The following WDPCP variants were observed in gnomAD, a reference collection of about 807,000 sequenced individuals.
WDPCP encodes the protein WD repeat-containing and planar cell polarity effector protein fritz homolog.
WDPCP carries 71 observed loss-of-function variants against 93.1 expected under a neutral mutation model. The observed-to-expected ratio is 0.76, with a 90% CI of 0.63 to 0.93. The LOEUF is 0.93. Ranked by LOEUF, WDPCP falls within the 40% of genes least tolerant of loss-of-function variation. The pLI is 0.00. For missense variants in WDPCP, 844 were observed against 887.4 expected (o/e 0.95, Z 0.62); for synonymous variants, 315 against 315.0 (o/e 1.00, Z 0.00).
intron 1 of WDPCP, among the ~76,000 whole-genome samples, chr2:63,510,158 T>A (rs1385830981): frequency 6.6e-6 from 1 of 152,174 alleles, no homozygotes; most frequent in African/African-American, 2.4e-5. Flanking sequence ...ATATCTCTGA[T>A]GAACATCAAT....
intron 10 of WDPCP, among the ~76,000 whole-genome samples, chr2:63,395,588 G>A (rs13383251): frequency 0.24 from 35,948 of 152,042 alleles, 5,748 homozygotes; most frequent in East Asian, 0.6. Flanking sequence ...AATGGAAAGC[G>A]TATCAATGCT....
At chr2:63,353,220 A>G (rs1294533232) in intron 12 of WDPCP, among the ~76,000 whole-genome samples, 1 of 152,162 alleles carries the variant, frequency 6.6e-6, no homozygotes, top group Non-Finnish European at 1.5e-5. Context: ...AGCTACCTGG[A>G]GTCTCTGTAG....
intron 6 of WDPCP, among the ~76,000 whole-genome samples, chr2:63,463,742 A>G (rs975817934): frequency 2.0e-5 from 3 of 152,228 alleles, no homozygotes; most frequent in African/African-American, 7.2e-5. Flanking sequence ...ATGGGGAGAA[A>G]GAACAATCTT....
At position 63,668,810 on chromosome 2, in the gene WDPCP, T is replaced by A. The variant is rs1208711026; in HGVS notation, n.309-17972A>T. Among the ~76,000 whole-genome samples, 4 of 152,322 alleles carry A rather than the reference T, an allele frequency of 2.6e-5. No homozygotes were observed. In the East Asian group the frequency reaches 7.7e-4, roughly 29 times the overall value. On this transcript the variant is annotated intron_variant and non_coding_transcript_variant, in intron 2 of 4. Transcript: ENST00000467687. Reference sequence around the variant, plus strand: ...CTCCTGGTTCTCTTCTAGGTTTATATCTTTTCTTATTTTGTGACAGACTCT... The same window carrying A: ...CTCCTGGTTCTCTTCTAGGTTTATAACTTTTCTTATTTTGTGACAGACTCT...
intron 2 of WDPCP, among the ~76,000 whole-genome samples, chr2:63,714,434 C>T (rs1363258257): frequency 1.3e-5 from 2 of 152,086 alleles, no homozygotes; most frequent in Non-Finnish European, 2.9e-5. Flanking sequence ...AAGATAAGTT[C>T]ATTTCATTAA....
intron 1 of WDPCP, among the ~76,000 whole-genome samples, chr2:63,530,508 T>C (rs1575591285): frequency 6.6e-6 from 1 of 152,124 alleles, no homozygotes; most frequent in African/African-American, 2.4e-5. Context: ...CCTCCTATAA[T>C]GCAGCCCACT....
intron 2 of WDPCP, among the ~76,000 whole-genome samples, chr2:63,703,202 A>G (rs544834141): frequency 3.3e-5 from 5 of 152,228 alleles, no homozygotes; most frequent in Non-Finnish European, 7.3e-5. Flanking sequence ...GTGTCTTTAT[A>G]GCAGCATGAT....
chr2:63,553,149 C>A (rs1022163103), intron 1 of WDPCP, among the ~76,000 whole-genome samples: 1 of 152,210 alleles, frequency 6.6e-6, no homozygotes, highest in South Asian at 2.1e-4. Flanking sequence ...AGAGGAAGAA[C>A]TGATATAAAA....
chr2:63,570,609 C>G (rs1475723769), intron 1 of WDPCP, among the ~76,000 whole-genome samples: 1 of 152,134 alleles, frequency 6.6e-6, no homozygotes, highest in African/African-American at 2.4e-5. Flanking sequence ...TGATCATTAT[C>G]ATGTTTACAG....
intron 12 of WDPCP, among the ~76,000 whole-genome samples, chr2:63,313,838 T>TA (rs1686373002): frequency 2.2e-5 from 2 of 90,566 alleles, no homozygotes; most frequent in South Asian, 8.9e-4. Context: ...TATCTGGCAA[T>TA]ACTAATTATT....
intron 12 of WDPCP, among the ~76,000 whole-genome samples, chr2:63,336,461 T>C (rs1041183709): frequency 6.6e-6 from 1 of 152,240 alleles, no homozygotes; most frequent in African/African-American, 2.4e-5. Context: ...CACTCAGCCA[T>C]TGAATATAAG....
At chr2:63,739,058 G>C (rs980895042) in intron 2 of WDPCP, among the ~76,000 whole-genome samples, 3 of 151,830 alleles carry the variant, frequency 2.0e-5, no homozygotes, top group Admixed American at 6.6e-5. Flanking sequence ...TTTAGGTTTG[G>C]GGGTACTTGT....
chr2:63,627,090 C>G (rs2106634112), intron 3 of WDPCP, among the ~76,000 whole-genome samples: 1 of 151,800 alleles, frequency 6.6e-6, no homozygotes, highest in African/African-American at 2.4e-5. Context: ...AGTAATTTTT[C>G]TGCTTTGACC....
intron 2 of WDPCP, among the ~76,000 whole-genome samples, chr2:63,694,254 T>C (rs1255020010): frequency 6.6e-6 from 1 of 152,222 alleles, no homozygotes; most frequent in Non-Finnish European, 1.5e-5. Flanking sequence ...ATCAAAAATA[T>C]ACTTTTTAGT....
Position 63,305,333 on chromosome 2 carries a change from A to G in WDPCP, c.1812+7915T>C, listed in dbSNP as rs141014306. Among the ~76,000 whole-genome samples, 51 of 152,164 alleles carry G rather than the reference A, an allele frequency of 3.4e-4. No individual in the cohort carries two copies. The East Asian group carries it at 9.3e-3, about 28-fold the overall frequency. On this transcript the variant is annotated intron_variant, in intron 13 of 17. Coordinates refer to ENST00000272321, the MANE Select transcript of WDPCP (RefSeq NM_015910.7). ...CCCAGCAGGGGTCAATAGACACCTC[A>G]TACAAGAGAGCTCCTGCTGGCATCT...
At chr2:63,264,226 G>A (rs560638213) in intron 13 of WDPCP, among the ~76,000 whole-genome samples, 1 of 152,230 alleles carries the variant, frequency 6.6e-6, no homozygotes, top group African/African-American at 2.4e-5. Flanking sequence ...CTGTGTACAA[G>A]AGGCTCACTT....
At chr2:63,671,793 C>G (rs1710351299) in intron 2 of WDPCP, among the ~76,000 whole-genome samples, 1 of 152,138 alleles carries the variant, frequency 6.6e-6, no homozygotes, top group African/African-American at 2.4e-5. Context: ...AACATAAAAT[C>G]CCAGCTCTCA....
chr2:63,538,664 A>T (rs1205989015), intron 1 of WDPCP, among the ~76,000 whole-genome samples: 1 of 152,148 alleles, frequency 6.6e-6, no homozygotes, highest in Non-Finnish European at 1.5e-5. Context: ...CACTAGTGTC[A>T]ACACCTCCTT....
chr2:63,503,808 T>G (rs1031336945), intron 1 of WDPCP, among the ~76,000 whole-genome samples: 11 of 152,028 alleles, frequency 7.2e-5, no homozygotes, highest in African/African-American at 2.2e-4. Flanking sequence ...GAAATGCTCT[T>G]ATCTAAACCA....
Sources: allele counts gnomAD v4.1 joint callset (sites outside exome capture counted in the v4.1 genomes callset), GRCh38; gene constraint gnomAD v4.1.1; transcripts MANE v1.5; gene names NCBI Gene and HGNC (gene_info 2026-07-23, HGNC 2026-07-21).